Variants in GPAM observed in about 807,000 individuals in gnomAD.
GPAM encodes glycerol-3-phosphate acyltransferase, mitochondrial.
In GPAM, 56 loss-of-function variants were observed where a neutral mutation model predicts 105.0. That is an observed-to-expected ratio of 0.53 (90% CI 0.43 to 0.67). The LOEUF is 0.67. GPAM is among the 30% of genes least tolerant of loss of function. The pLI is 0.00. For missense variants in GPAM, 855 were observed against 989.8 expected, an observed-to-expected ratio of 0.86 and a Z score of 1.83; for synonymous variants, 368 against 354.4, an observed-to-expected ratio of 1.04 and a Z score of -0.43.
intron 1 of GPAM, among the ~76,000 whole-genome samples, chr10:112,212,293 C>T (rs1006330286): frequency 2.6e-5 from 4 of 152,092 alleles, no homozygotes; most frequent in African/African-American, 9.7e-5. Context: ...CACGGAGTCT[C>T]GCTCTGTCGC....
At chr10:112,162,998 C>A (rs1395563856) in intron 14 of GPAM, among the ~76,000 whole-genome samples, 2 of 152,016 alleles carry the variant, frequency 1.3e-5, no homozygotes, top group Non-Finnish European at 2.9e-5. Context: ...GCAGGGGGTG[C>A]GGAGAGTATC....
At chr10:112,218,741 T>G (rs2419607), upstream of GPAM, among the ~76,000 whole-genome samples, 64,790 of 152,160 alleles carry the variant, frequency 0.43, 17,349 homozygotes, top group African/African-American at 0.76. Flanking sequence ...CCAGGAAAGG[T>G]GTGAGGAGTT....
At chr10:112,211,096 G>A (rs1564692212) in intron 1 of GPAM, among the ~76,000 whole-genome samples, 1 of 152,190 alleles carries the variant, frequency 6.6e-6, no homozygotes, top group Non-Finnish European at 1.5e-5. Flanking sequence ...GGGGCTTAGG[G>A]AGTTTTTCCC....
Position 112,158,311 on chromosome 10 carries a change from C to A in GPAM, c.1980+5G>T. The A allele has an allele frequency of 6.6e-7, 1 of 1,505,820 alleles. No homozygotes were observed. The highest frequency in any genetic ancestry group is 9.3e-7 in the Non-Finnish European group (1 of 1,080,862). 93.3% of individuals were successfully genotyped at this position (1,505,820 alleles called of 1,614,324 possible). A position where few individuals can be genotyped will look rare whatever the true frequency, so the allele number is the denominator to read the frequency against. The stretch of plus-strand genomic sequence containing the variant: ...AGACAAATAAAGGAAAGCTCTACCT[C>A]TTACCTCTGCCACTGTAAGAATGCC... On this transcript the variant is annotated splice_donor_5th_base_variant and intron_variant, in intron 18 of 21. Coordinates refer to ENST00000348367, the MANE Select transcript of GPAM (RefSeq NM_001244949.2).
intron 1 of GPAM, among the ~76,000 whole-genome samples, chr10:112,198,689 T>C (rs1847754480): frequency 6.6e-6 from 1 of 152,166 alleles, no homozygotes; most frequent in Admixed American, 6.5e-5. Context: ...TCCAAACGAA[T>C]TGAAATTGCT....
Position 112,151,753 on chromosome 10 carries a change from G to C in GPAM, c.*1797C>G. On this transcript the variant is annotated 3_prime_UTR_variant, in exon 22 of 22. Transcript: ENST00000348367. Reference sequence around the variant, plus strand: ...TACAATTTAAAGGATGAAAAAAAGAGACTAGTGAAATGTTTGCTTCCCCAG... The same window carrying C: ...TACAATTTAAAGGATGAAAAAAAGACACTAGTGAAATGTTTGCTTCCCCAG... The C allele has an allele frequency of 1.0e-6, 1 of 985,062 alleles. No homozygotes were observed. Among genetic ancestry groups the C allele is most frequent in the Non-Finnish European group, 1.2e-6 (1 of 829,648 alleles). 61.0% of individuals were successfully genotyped at this position (985,062 alleles called of 1,614,324 possible).
At chr10:112,204,315 C>T (rs1227911965) in intron 1 of GPAM, among the ~76,000 whole-genome samples, 4 of 150,908 alleles carry the variant, frequency 2.7e-5, no homozygotes, top group Admixed American at 6.6e-5. Context: ...CAACTTCAAC[C>T]GTCTGGTGAC....
At chr10:112,225,577 T>A in the GPAM span, among the ~76,000 whole-genome samples, 25 of 151,766 alleles carry the variant, frequency 1.6e-4, no homozygotes, top group Non-Finnish European at 3.1e-4. Context: ...TTTGTGGGAG[T>A]CTGAGTGGGA....
At position 112,164,580 on chromosome 10, in the gene GPAM, C is replaced by T. The variant is rs1239891008; in HGVS notation, c.1252G>A (p.Val418Met). 3 of 1,606,352 alleles carry T rather than the reference C, an allele frequency of 1.9e-6. No homozygotes were observed. Among genetic ancestry groups the T allele is most frequent in the East Asian group, 2.2e-5 (1 of 44,824 alleles). Residue 418 changes from valine to methionine, a missense_variant, in exon 13 of 22, where the codon GTG becomes ATG. By Grantham distance (21) the Val-to-Met change is conservative. Coordinates refer to ENST00000348367, the MANE Select transcript of GPAM (RefSeq NM_001244949.2). ...TGCTCCAGGGAAAGTAGAGCAGACACCGGTTTCTGACTTTGGCTTTCTAAA... is the reference window on the plus strand; with the variant it reads ...TGCTCCAGGGAAAGTAGAGCAGACATCGGTTTCTGACTTTGGCTTTCTAAA... ...EYLESQSQKP[V>M]SALLSLEQAL...
At chr10:112,159,216 C>CTTTTTTTT (rs35513817) in intron 17 of GPAM, among the ~76,000 whole-genome samples, 9 of 86,982 alleles carry the variant, frequency 1.0e-4, no homozygotes, top group East Asian at 3.8e-4. Context: ...AGATGATTTT[C>CTTTTTTTT]TTTTTTTTTT....
chr10:112,187,326 A>T (rs1005607192), upstream of GPAM, among the ~76,000 whole-genome samples: 1 of 152,146 alleles, frequency 6.6e-6, no homozygotes, highest in South Asian at 2.1e-4. Flanking sequence ...CTATTTAAAA[A>T]CTCACTTTAA....
chr10:112,225,150 G>A, the GPAM span, among the ~76,000 whole-genome samples: 1 of 152,150 alleles, frequency 6.6e-6, no homozygotes. Context: ...CTGGATTTCA[G>A]CTTCTGGTCT....
At position 112,156,060 on chromosome 10, in the gene GPAM, G is replaced by A. The variant is rs923911247; in HGVS notation, c.2122-7C>T. The A allele has an allele frequency of 1.9e-6, 3 of 1,604,854 alleles. No homozygotes were observed. In the African/African-American group the frequency reaches 4.0e-5, roughly 21 times the overall value. Reference sequence around the variant, plus strand: ...GCTCCTTGGATTGGCTCACCTGAGTGTGCAAAAGCAGGAGATGAAGTCATG... The same window carrying A: ...GCTCCTTGGATTGGCTCACCTGAGTATGCAAAAGCAGGAGATGAAGTCATG... On this transcript the variant is annotated splice_polypyrimidine_tract_variant and splice_region_variant and intron_variant, in intron 19 of 21. Transcript: ENST00000348367.
intron 11 of GPAM, 38 bp from the exon 12 acceptor site, chr10:112,166,553 A>G (rs1264158358): frequency 1.9e-6 from 2 of 1,067,170 alleles, no homozygotes; most frequent in South Asian, 1.2e-5. Flanking sequence ...GTGAGAAATA[A>G]AGCCAACACA....
At position 112,152,558 on chromosome 10, in the gene GPAM, C is replaced by G. The variant is rs548153379; in HGVS notation, c.*992G>C. 4 of 985,328 alleles carry G rather than the reference C, an allele frequency of 4.1e-6. No individual in the cohort carries two copies. In the South Asian group the frequency reaches 1.9e-4, roughly 46 times the overall value. The allele number at this position is 985,328 out of a possible 1,614,324, so 61.0% of individuals were successfully genotyped here. ...CCTGGACTGGGGTGCAGTACACAAT[C>G]TGTGTGCAGTACAGAAAGCCCTCAT... On this transcript the variant is annotated 3_prime_UTR_variant, in exon 22 of 22. Transcript: ENST00000348367.
upstream of GPAM, among the ~76,000 whole-genome samples, chr10:112,218,834 C>T (rs530381645): frequency 2.6e-5 from 4 of 152,254 alleles, no homozygotes; most frequent in Admixed American, 1.3e-4. Context: ...TCATGGTGCA[C>T]GTGGGAGTGT....
At chr10:112,164,264 A>C (rs1847174914) in intron 13 of GPAM, among the ~76,000 whole-genome samples, 1 of 152,196 alleles carries the variant, frequency 6.6e-6, no homozygotes, top group Non-Finnish European at 1.5e-5. Context: ...AAAAAAACTC[A>C]GTTCAAGCAT....
At chr10:112,224,767 T>C in the GPAM span, among the ~76,000 whole-genome samples, 4 of 152,102 alleles carry the variant, frequency 2.6e-5, no homozygotes, top group African/African-American at 7.2e-5. Context: ...AAGACCCTTA[T>C]GAATATTAAA....
At chr10:112,154,841 T>C in intron 20 of GPAM, 154 bp from the exon 21 acceptor site, 2 of 694,310 alleles carry the variant, frequency 2.9e-6, no homozygotes, top group Non-Finnish European at 5.3e-6. Context: ...TGGCAACCTG[T>C]GAGTTCTCAG....
Sources: gnomAD v4.1 joint callset for allele counts (sites outside exome capture counted in the v4.1 genomes callset) on GRCh38, gnomAD v4.1.1 for gene constraint, MANE v1.5 for transcripts, NCBI Gene and HGNC (gene_info 2026-07-23, HGNC 2026-07-21) for gene names.